Variants in CLEC3A observed in about 807,000 individuals in gnomAD.
The protein encoded by CLEC3A is C-type (calcium dependent, carbohydrate-recognition domain) lectin, superfamily member 1 (cartilage-derived).
A neutral mutation model predicts 20.4 loss-of-function variants in CLEC3A; 28 were observed. The ratio of observed to expected loss-of-function variants is 1.37; its 90% CI spans 1.02 to 1.88. CLEC3A has a LOEUF of 1.88. CLEC3A is among the 40% of genes most tolerant of loss of function. CLEC3A has a pLI of 0.00. For synonymous variants in CLEC3A, 110 were observed against 88.1 expected, an observed-to-expected ratio of 1.25 and a Z score of -1.39; for missense variants, 357 against 240.4, an observed-to-expected ratio of 1.48 and a Z score of -3.21.
At chr16:78,025,789 T>G (rs2029895841) in intron 1 of CLEC3A, among the ~76,000 whole-genome samples, 1 of 152,186 alleles carries the variant, frequency 6.6e-6, no homozygotes, top group Non-Finnish European at 1.5e-5. Flanking sequence ...ATAAAAGACA[T>G]CTATATCAGC....
intron 2 of CLEC3A, 31 bp from the exon 3 acceptor site, chr16:78,030,416 T>A: frequency 6.4e-7 from 1 of 1,552,016 alleles, no homozygotes; most frequent in Non-Finnish European, 8.7e-7. Context: ...TCAAAATGCA[T>A]CTTAATATGT....
intron 2 of CLEC3A, among the ~76,000 whole-genome samples, chr16:78,030,146 C>A (rs2030048075): frequency 1.3e-5 from 1 of 75,948 alleles, no homozygotes; most frequent in Non-Finnish European, 2.8e-5. Context: ...GAGCGAGACT[C>A]CAACTCAAAA....
intron 1 of CLEC3A, 148 bp from the exon 2 acceptor site, chr16:78,027,959 G>C: frequency 1.5e-6 from 1 of 671,020 alleles, no homozygotes; most frequent in South Asian, 1.8e-5. Flanking sequence ...CCAGCCCCAA[G>C]TTATTTTCAC....
intron 2 of CLEC3A, among the ~76,000 whole-genome samples, chr16:78,029,793 T>C (rs1414847581): frequency 6.6e-6 from 1 of 152,062 alleles, no homozygotes; most frequent in Non-Finnish European, 1.5e-5. Context: ...TTTAAGGCCA[T>C]GTCTTGGGAT....
intron 1 of CLEC3A, among the ~76,000 whole-genome samples, chr16:78,025,047 G>C (rs1367605060): frequency 6.6e-6 from 1 of 152,104 alleles, no homozygotes; most frequent in Non-Finnish European, 1.5e-5. Context: ...TGTTGGCCAG[G>C]CTAGTCTCAA....
At position 78,030,560 on chromosome 16, in the gene CLEC3A, C is replaced by T. The variant is rs1258500291; in HGVS notation, c.313C>T (p.Pro105Ser). 1 of 1,614,078 alleles carries T rather than the reference C, an allele frequency of 6.2e-7. No homozygotes were observed. The highest frequency in any genetic ancestry group is 1.1e-5 in the South Asian group (1 of 91,076). The part of the protein sequence containing the change: ...CISKGGILVI[P>S]RNSDEINALQ... ...TTCCAAAGGAGGAATCCTGGTTATCCCCAGGAACTCCGACGAAATCAACGC... is the reference window on the plus strand; with the variant it reads ...TTCCAAAGGAGGAATCCTGGTTATCTCCAGGAACTCCGACGAAATCAACGC... Residue 105 changes from proline to serine, a missense_variant, in exon 3 of 3, where the codon CCC becomes TCC. Physicochemically the swap from Pro to Ser is moderately conservative, Grantham distance 74. Coordinates refer to ENST00000299642, the MANE Select transcript of CLEC3A (RefSeq NM_005752.6).
rs973759443 is a variant in CLEC3A, at chr16:78,025,104, C to G, written c.115+2363C>G. ...GATTGCAGGCATGAGCCATCATACC[C>G]AGCCTATTCCCAGAGTTTTTAAAAT... On this transcript the variant is annotated intron_variant, in intron 1 of 2. Transcript: ENST00000299642. 5.3e-5 allele frequency among the ~76,000 whole-genome samples: 8 copies of G among 152,178 alleles called. No individual in the cohort carries two copies. In the East Asian group the frequency reaches 1.3e-3, roughly 26 times the overall value.
At position 78,024,283 on chromosome 16, in the gene CLEC3A, G is replaced by C. The variant is rs77632817; in HGVS notation, c.115+1542G>C. Among the ~76,000 whole-genome samples, 1,442 of 152,224 alleles carry C rather than the reference G, an allele frequency of 9.5e-3. 20 individuals carry two copies. Among genetic ancestry groups the C allele is most frequent in the South Asian group, 0.031 (151 of 4,812 alleles). Reference sequence around the variant, plus strand: ...TCGTGAGAGTGGCGATCACCCAGTAGGAATGTGTGAAGAGGGTCTGAACAT... The same window carrying C: ...TCGTGAGAGTGGCGATCACCCAGTACGAATGTGTGAAGAGGGTCTGAACAT... On this transcript the variant is annotated intron_variant, in intron 1 of 2. Transcript: ENST00000299642.
At chr16:78,028,997 T>C (rs986658988) in intron 2 of CLEC3A, 10 of 394,834 alleles carry the variant, frequency 2.5e-5, no homozygotes, top group African/African-American at 2.1e-4. Flanking sequence ...TAAAAGACAG[T>C]CAAATGCTTA....
intron 2 of CLEC3A, among the ~76,000 whole-genome samples, chr16:78,028,740 A>G (rs1474333908): frequency 6.6e-6 from 1 of 152,242 alleles, no homozygotes; most frequent in Non-Finnish European, 1.5e-5. Flanking sequence ...CTCATCCCCC[A>G]AGGAGCTAAT....
At chr16:78,030,191 A>G (rs1157664682) in intron 2 of CLEC3A, among the ~76,000 whole-genome samples, 2 of 151,804 alleles carry the variant, frequency 1.3e-5, no homozygotes, top group Non-Finnish European at 2.9e-5. Context: ...GTTACAAGTA[A>G]CAACTTCTCT....
intron 1 of CLEC3A, among the ~76,000 whole-genome samples, chr16:78,024,978 C>T (rs932140595): frequency 3.3e-5 from 5 of 152,074 alleles, no homozygotes; most frequent in Middle Eastern, 3.2e-3. Flanking sequence ...AGGTGCTCGC[C>T]ACCATGCCCA....
chr16:78,030,356 C>T, intron 2 of CLEC3A, 91 bp from the exon 3 acceptor site: 1 of 1,142,404 alleles, frequency 8.8e-7, no homozygotes, highest in Non-Finnish European at 1.3e-6. Context: ...ATACTTCATT[C>T]CACAAATACT....
Position 78,032,034 on chromosome 16 carries a change from A to G in CLEC3A, c.*1193A>G, listed in dbSNP as rs1001827637. The G allele has an allele frequency of 9.2e-5, 14 of 152,650 alleles. No individual in the cohort carries two copies. The highest frequency in any genetic ancestry group is 2.4e-4 in the African/African-American group (10 of 41,464). 9.5% of individuals were successfully genotyped at this position (152,650 alleles called of 1,614,324 possible). ...ATATCCCACTTTGCAAACTTTAACT[A>G]CACATGCTTGGAATTAAGTTTTAGC... On this transcript the variant is annotated 3_prime_UTR_variant, in exon 3 of 3. Transcript: ENST00000299642.
chr16:78,022,626 C>T lies in CLEC3A; in HGVS notation c.-1C>T, dbSNP rs1430263507. 40 of 1,613,996 alleles carry T rather than the reference C, an allele frequency of 2.5e-5. 1 individual carries two copies. Among genetic ancestry groups the T allele is most frequent in the Non-Finnish European group, 3.4e-5 (40 of 1,180,016 alleles). ...TGGCTCAGCAGGCTTGCCCCAGAGC[C>T]ATGGCAAAGAATGGACTTGTAATTT... On this transcript the variant is annotated 5_prime_UTR_variant, in exon 1 of 3. Transcript: ENST00000299642.
Position 78,028,858 on chromosome 16 carries a change from A to G in CLEC3A, c.199+668A>G, listed in dbSNP as rs74695455. On this transcript the variant is annotated intron_variant, in intron 2 of 2. Transcript: ENST00000299642. Reference sequence around the variant, plus strand: ...AGACTGAAGTTACGGCTTTCCATCAAGTATTTATAACTCCCAGACCAGATG... The same window carrying G: ...AGACTGAAGTTACGGCTTTCCATCAGGTATTTATAACTCCCAGACCAGATG... Among the ~76,000 whole-genome samples, 65 of 152,352 alleles carry G rather than the reference A, an allele frequency of 4.3e-4. 2 individuals carry two copies. Among genetic ancestry groups the G allele is most frequent in the South Asian group, 6.2e-4 (3 of 4,832 alleles).
intron 2 of CLEC3A, among the ~76,000 whole-genome samples, chr16:78,030,197 T>C (rs1165514816): frequency 6.6e-6 from 1 of 150,736 alleles, no homozygotes; most frequent in Non-Finnish European, 1.5e-5. Context: ...AGTAACAACT[T>C]CTCTAAGCCT....
Position 78,022,602 on chromosome 16 carries a change from G to C in CLEC3A, c.-25G>C, listed in dbSNP as rs1368686307. On this transcript the variant is annotated 5_prime_UTR_variant, in exon 1 of 3. It removes an upstream start codon present in the reference 5' UTR. Transcript: ENST00000299642. Reference sequence around the variant, plus strand: ...GCTGCTCTAAGGGGGCTGGCAACATGGCTCAGCAGGCTTGCCCCAGAGCCA... The same window carrying C: ...GCTGCTCTAAGGGGGCTGGCAACATCGCTCAGCAGGCTTGCCCCAGAGCCA... The C allele has an allele frequency of 1.2e-6, 2 of 1,612,956 alleles. No homozygotes were observed. The highest frequency in any genetic ancestry group is 1.7e-5 in the Admixed American group (1 of 59,874).
intron 2 of CLEC3A, among the ~76,000 whole-genome samples, chr16:78,029,557 A>G (rs58118461): frequency 0.021 from 3,148 of 152,154 alleles, 117 homozygotes; most frequent in African/African-American, 0.072. Context: ...TTTAGTACAG[A>G]CGGGGTTTCA....
Sources: allele counts gnomAD v4.1 joint callset (sites outside exome capture counted in the v4.1 genomes callset), GRCh38; gene constraint gnomAD v4.1.1; transcripts MANE v1.5; gene names NCBI Gene and HGNC (gene_info 2026-07-23, HGNC 2026-07-21).